EFCAB13: variants seen among roughly 807,000 people sequenced by gnomAD.
EFCAB13 encodes the protein EF-hand calcium-binding domain-containing protein 13.
A neutral mutation model predicts 110.2 loss-of-function variants in EFCAB13; 91 were observed. The ratio of observed to expected loss-of-function variants is 0.83; its 90% confidence interval spans 0.70 to 0.98. The LOEUF (loss-of-function observed/expected upper bound fraction) is 0.98, where lower values mean the gene tolerates loss of function less well. EFCAB13 is among the 50% of genes least tolerant of loss of function. EFCAB13 has a pLI of 0.00. For missense variants in EFCAB13, 968 were observed against 1,119.4 expected (o/e 0.86, Z 1.93); for synonymous variants, 323 against 369.9 (o/e 0.87, Z 1.45).
chr17:47,355,718 G>C (rs377522103), intron 9 of EFCAB13, among the ~76,000 whole-genome samples: 1 of 151,526 alleles, frequency 6.6e-6, no homozygotes, highest in African/African-American at 2.4e-5. Flanking sequence ...GACTACAGTC[G>C]CGCGCCACCA....
chr17:47,425,031 C>A (rs1255130754), intron 23 of EFCAB13, among the ~76,000 whole-genome samples: 2 of 147,724 alleles, frequency 1.4e-5, no homozygotes, highest in Non-Finnish European at 3.0e-5. Flanking sequence ...TACAGGCGCC[C>A]GCTACCACGC....
chr17:47,346,080 C>T (rs2065414063), intron 8 of EFCAB13, among the ~76,000 whole-genome samples: 1 of 152,104 alleles, frequency 6.6e-6, no homozygotes, highest in South Asian at 2.1e-4. Context: ...GAGATCTACC[C>T]TCTTAACAGA....
chr17:47,408,867 C>G (rs868603335), intron 20 of EFCAB13, among the ~76,000 whole-genome samples: 10 of 151,976 alleles, frequency 6.6e-5, no homozygotes, highest in African/African-American at 2.4e-4. Context: ...AATTATCTGG[C>G]CAAAAATATT....
intron 18 of EFCAB13, among the ~76,000 whole-genome samples, chr17:47,402,714 G>A (rs1812758662): frequency 6.6e-6 from 1 of 152,172 alleles, no homozygotes; most frequent in Admixed American, 6.6e-5. Context: ...GGATGATATT[G>A]GGATGAGAGG....
chr17:47,414,233 C>T (rs1904344694), intron 22 of EFCAB13, among the ~76,000 whole-genome samples: 1 of 90,798 alleles, frequency 1.1e-5, no homozygotes, highest in African/African-American at 5.1e-5. Context: ...TCACTTGTGA[C>T]TGTGTATGTG....
At position 47,433,631 on chromosome 17, in the gene EFCAB13, T is replaced by C. The variant is rs140037585; in HGVS notation, c.2638+3670T>C. On this transcript the variant is annotated intron_variant, in intron 24 of 24. Coordinates refer to ENST00000331493, the MANE Select transcript of EFCAB13 (RefSeq NM_152347.5). ...CTAGCCTGTAGCAATTATTACTGTG[T>C]TGTTCTAATGTTGATTTTCTACTTC... Among the ~76,000 whole-genome samples, 14 of 152,274 alleles carry C rather than the reference T, an allele frequency of 9.2e-5. No homozygotes were observed. The East Asian group carries it at 2.7e-3, about 29-fold the overall frequency.
At chr17:47,398,014 T>TG (rs1243269332) in intron 17 of EFCAB13, among the ~76,000 whole-genome samples, 1 of 101,666 alleles carries the variant, frequency 9.8e-6, no homozygotes, top group Non-Finnish European at 2.0e-5. Flanking sequence ...GGGAGGGAGG[T>TG]GGGGGGATCA....
intron 9 of EFCAB13, among the ~76,000 whole-genome samples, chr17:47,358,629 G>A (rs942004186): frequency 6.6e-6 from 1 of 151,882 alleles, no homozygotes; most frequent in Admixed American, 6.6e-5. Context: ...ATTTTGAACT[G>A]GTGTCTTTGG....
At chr17:47,425,389 C>T (rs1294544766) in intron 23 of EFCAB13, among the ~76,000 whole-genome samples, 1 of 152,122 alleles carries the variant, frequency 6.6e-6, no homozygotes, top group East Asian at 1.9e-4. Context: ...AAGTCTAATT[C>T]CTCTCACTCT....
intron 24 of EFCAB13, among the ~76,000 whole-genome samples, chr17:47,439,262 C>T (rs1035817065): frequency 1.3e-4 from 19 of 149,866 alleles, no homozygotes; most frequent in Non-Finnish European, 2.8e-4. Flanking sequence ...CTGCAACCTC[C>T]GCCTTGAAGG....
intron 10 of EFCAB13, among the ~76,000 whole-genome samples, chr17:47,364,634 A>G (rs2065535727): frequency 6.6e-6 from 1 of 152,196 alleles, no homozygotes; most frequent in African/African-American, 2.4e-5. Flanking sequence ...CCAAGTTCAC[A>G]TAACCTTTCC....
chr17:47,382,949 C>T (rs2065655437), intron 14 of EFCAB13, among the ~76,000 whole-genome samples: 1 of 152,116 alleles, frequency 6.6e-6, no homozygotes, highest in Admixed American at 6.5e-5. Context: ...TAATTACTGT[C>T]TCAATTTCAG....
At chr17:47,349,935 T>A (rs4060889) in intron 9 of EFCAB13, among the ~76,000 whole-genome samples, 8 of 150,666 alleles carry the variant, frequency 5.3e-5, no homozygotes, top group African/African-American at 1.9e-4. Context: ...CCACCGCGCC[T>A]GGCTAATTTT....
At position 47,377,907 on chromosome 17, in the gene EFCAB13, A is replaced by C; in HGVS notation, c.1510+4A>C. The C allele has an allele frequency of 6.3e-7, 1 of 1,576,414 alleles. No homozygotes were observed. Among genetic ancestry groups the C allele is most frequent in the Non-Finnish European group, 8.5e-7 (1 of 1,169,788 alleles). ...GTGACAGACACTAGTAGAAATGGTG[A>C]GAGACTGATAACACTGAAGTTTCTG... On this transcript the variant is annotated splice_donor_region_variant and intron_variant, in intron 13 of 24. Coordinates refer to ENST00000331493, the MANE Select transcript of EFCAB13 (RefSeq NM_152347.5).
At chr17:47,428,884 A>C (rs1905047718) in intron 23 of EFCAB13, among the ~76,000 whole-genome samples, 1 of 152,154 alleles carries the variant, frequency 6.6e-6, no homozygotes, top group African/African-American at 2.4e-5. Flanking sequence ...CATTGGAGAA[A>C]AAACACAATA....
At chr17:47,424,473 C>T (rs1256611375) in intron 23 of EFCAB13, among the ~76,000 whole-genome samples, 1 of 152,162 alleles carries the variant, frequency 6.6e-6, no homozygotes, top group African/African-American at 2.4e-5. Context: ...AGCAGAGGAA[C>T]CTGATTGGGA....
At chr17:47,335,423 A>G (rs981748155) in intron 5 of EFCAB13, 67 bp downstream of exon 5, 16 of 1,362,954 alleles carry the variant, frequency 1.2e-5, no homozygotes, top group Admixed American at 9.1e-5. Context: ...GCCAAAATGT[A>G]GCTGTGGCTT....
chr17:47,351,296 TGTGTGTGTGCGCGCGCGCGCGCGC>T (rs1380400761), intron 9 of EFCAB13, among the ~76,000 whole-genome samples: 3 of 140,412 alleles, frequency 2.1e-5, no homozygotes, highest in Non-Finnish European at 4.7e-5. Context: ...TGTGTGTGTG[TGTGTGTGTGCGCGCGCGCGCGCGC>T]GCGCGCGCCA....
At chr17:47,353,551 C>T (rs1303853211) in intron 9 of EFCAB13, among the ~76,000 whole-genome samples, 1 of 152,098 alleles carries the variant, frequency 6.6e-6, no homozygotes, top group Non-Finnish European at 1.5e-5. Context: ...CTGCCTTGGT[C>T]TCCCAAAGTG....
Sources: gnomAD v4.1 joint callset for allele counts (sites outside exome capture counted in the v4.1 genomes callset) on GRCh38, gnomAD v4.1.1 for gene constraint, MANE v1.5 for transcripts, NCBI Gene and HGNC (gene_info 2026-07-23, HGNC 2026-07-21) for gene names.